The following CMTM1 variants were observed in gnomAD, a reference collection of about 807,000 sequenced individuals.
CMTM1 encodes CKLF-like MARVEL transmembrane domain-containing protein 1.
In CMTM1, 16 loss-of-function variants were observed where a neutral mutation model predicts 17.8. The observed-to-expected ratio is 0.90, with a 90% CI of 0.61 to 1.37. The LOEUF (loss-of-function observed/expected upper bound fraction) is 1.37, where lower values mean the gene tolerates loss of function less well. CMTM1 is among the 40% of genes most tolerant of loss of function. The pLI is 0.00. For synonymous variants in CMTM1, 169 were observed against 154.6 expected (o/e 1.09, Z -0.69); for missense variants, 354 against 375.6 (o/e 0.94, Z 0.47).
At chr16:66,569,521 A>G (rs1240419382) in intron 1 of CMTM1, among the ~76,000 whole-genome samples, 1 of 152,256 alleles carries the variant, frequency 6.6e-6, no homozygotes, top group African/African-American at 2.4e-5. Context: ...AATAGGGATA[A>G]TACTGGCATT....
At chr16:66,568,359 CAT>C (rs1157806575) in intron 1 of CMTM1, among the ~76,000 whole-genome samples, 11 of 152,116 alleles carry the variant, frequency 7.2e-5, no homozygotes, top group Admixed American at 1.3e-4. Flanking sequence ...TGTCACAGAA[CAT>C]GTGACAAAAT....
intron 2 of CMTM1, among the ~76,000 whole-genome samples, chr16:66,572,097 T>G (rs531126183): frequency 6.6e-6 from 1 of 152,276 alleles, no homozygotes; most frequent in South Asian, 2.1e-4. Context: ...CCCTGTCCTT[T>G]CCTGCTACTG....
chr16:66,577,060 TATATTGTTGTG>T (rs759239139), intron 2 of CMTM1, 33 bp from the exon 3 acceptor site: 2 of 1,548,746 alleles, frequency 1.3e-6, no homozygotes, highest in East Asian at 4.5e-5. Flanking sequence ...TTTGTGAAAT[TATATTGTTGTG>T]TAAACTTGAT....
rs554517633 is a variant in CMTM1 at position 66,571,760 on chromosome 16, G to T, written c.591+1666G>T. On this transcript the variant is annotated intron_variant, in intron 2 of 3. Transcript: ENST00000379500. ...ATCAGCTGTGGTCAGGAGGATCAGA[G>T]CCCTCTGAGAAATGGACTCATGCAG... Among the ~76,000 whole-genome samples, 9 of 152,306 alleles carry T rather than the reference G, an allele frequency of 5.9e-5. No homozygotes were observed. The South Asian group carries it at 1.9e-3, about 32-fold the overall frequency.
chr16:66,567,154 C>CTTTT (rs58132277), intron 1 of CMTM1: 30 of 556,516 alleles, frequency 5.4e-5, no homozygotes, highest in East Asian at 2.5e-4. Flanking sequence ...CCTATTTTTT[C>CTTTT]TTTTTTTTTT....
rs1290747205 is a variant in CMTM1, at chr16:66,578,947, C to T, written c.807C>T (p.Pro269=). The part of the protein sequence containing the change: ...LGVEVERKLS[P]AKDAYPETGP... The stretch of plus-strand genomic sequence containing the variant: ...TCGAAGTTGAAAGGAAGCTTTCCCC[C>T]GCCAAGGACGCCTACCCCGAAACCG... The change falls in exon 4 of 4, where the codon CCC becomes CCT. Residue 269 remains proline, a synonymous_variant. Coordinates refer to ENST00000379500, the MANE Select transcript of CMTM1 (RefSeq NM_052999.4). 1.9e-6 allele frequency: 3 copies of T among 1,614,156 alleles called. No homozygotes were observed. Among genetic ancestry groups the T allele is most frequent in the African/African-American group, 1.3e-5 (1 of 75,052 alleles).
intron 2 of CMTM1, among the ~76,000 whole-genome samples, chr16:66,571,582 TA>T (rs566472060): frequency 1.3e-5 from 2 of 152,346 alleles, no homozygotes; most frequent in South Asian, 4.1e-4. Context: ...TCAGTGAAAC[TA>T]TGTCTTTATG....
intron 2 of CMTM1, among the ~76,000 whole-genome samples, chr16:66,573,840 C>T (rs1390818561): frequency 6.6e-6 from 1 of 151,876 alleles, no homozygotes; most frequent in Non-Finnish European, 1.5e-5. Context: ...GCACGTACCA[C>T]CATGCCTGGC....
At chr16:66,571,247 C>T (rs112290648) in intron 2 of CMTM1, 9 of 448,170 alleles carry the variant, frequency 2.0e-5, no homozygotes, top group Admixed American at 5.0e-5. Context: ...AATCTCTGTC[C>T]GTGGAAATTT....
rs759142039 is a variant in CMTM1, at chr16:66,570,044, T to C, written c.541T>C (p.Tyr181His). The part of the protein sequence containing the change: ...ICIVVFFILI[Y>H]VLTLHHLLTY... ...CATTGTCGTTTTTTTTATTCTAATA[T>C]ATGTGCTAACCCTTCACCACTTGCT... is the stretch of plus-strand genomic sequence containing the variant. Residue 181 changes from tyrosine (Y) to histidine (H), a missense_variant, in exon 2 of 4, where the codon TAT becomes CAT. Tyr to His is a moderately conservative substitution (Grantham distance 83, BLOSUM62 2). Transcript: ENST00000379500. 1 of 1,611,398 alleles carries C rather than the reference T, an allele frequency of 6.2e-7. No homozygotes were observed. Among genetic ancestry groups the C allele is most frequent in the South Asian group, 1.1e-5 (1 of 90,854 alleles).
intron 1 of CMTM1, among the ~76,000 whole-genome samples, chr16:66,568,435 T>C (rs2012947146): frequency 6.6e-6 from 1 of 152,150 alleles, no homozygotes; most frequent in Non-Finnish European, 1.5e-5. Flanking sequence ...AAATATTCCA[T>C]TGACATTGTA....
At chr16:66,577,535 G>C (rs770472821) in intron 3 of CMTM1, among the ~76,000 whole-genome samples, 1 of 152,144 alleles carries the variant, frequency 6.6e-6, no homozygotes, top group African/African-American at 2.4e-5. Flanking sequence ...GTATTTTAAA[G>C]ACAGATGATA....
Position 66,578,860 on chromosome 16 carries a change from T to C in CMTM1, c.720T>C (p.Cys240=). 1.2e-6 allele frequency: 2 copies of C among 1,614,202 alleles called. No individual in the cohort carries two copies. The highest frequency in any genetic ancestry group is 1.7e-6 in the Non-Finnish European group (2 of 1,180,032). Residue 240 remains cysteine (C), a synonymous_variant, in exon 4 of 4, where the codon TGT becomes TGC. Transcript: ENST00000379500. ...TGTGTCTCACAGCGGTAATCGTGTG[T>C]TGCATCGATGCGTTTGTGGTCACCA... ...GSLCLTAVIV[C]CIDAFVVTTK...
rs753642081 is a variant in CMTM1 at position 66,566,877 on chromosome 16, T to C, written c.364T>C (p.Tyr122His). 2 of 1,613,930 alleles carry C rather than the reference T, an allele frequency of 1.2e-6. No individual in the cohort carries two copies. Among genetic ancestry groups the C allele is most frequent in the Non-Finnish European group, 1.7e-6 (2 of 1,179,962 alleles). The change falls in exon 1 of 4, where the codon TAC becomes CAC. Residue 122 changes from tyrosine (Y) to histidine (H), a missense_variant. Coordinates refer to ENST00000379500, the MANE Select transcript of CMTM1 (RefSeq NM_052999.4). The surrounding 1 kb of genome is among the most constrained non-coding windows in gnomAD (Gnocchi z 4.9). ...ERVEGRAKVPYKFRDSLKRFS... is the reference protein window; with the variant it reads ...ERVEGRAKVPHKFRDSLKRFS... ...CGTGGAGGGCCGAGCCAAAGTCCCGTACAAATTCAGGGACAGCCTCAAACG... is the reference window on the plus strand; with the variant it reads ...CGTGGAGGGCCGAGCCAAAGTCCCGCACAAATTCAGGGACAGCCTCAAACG...
rs2014344067 is a variant in CMTM1 at position 66,577,105 on chromosome 16, A to T, written c.593A>T (p.Asp198Val). 1 of 1,611,374 alleles carries T rather than the reference A, an allele frequency of 6.2e-7. No individual in the cohort carries two copies. Among genetic ancestry groups the T allele is most frequent in the Non-Finnish European group, 8.5e-7 (1 of 1,178,874 alleles). ...LLTYLHWPLL[D>V]LTNSIITAVF... ...ATAATTTTCAATTCTTTATTACAGG[A>T]TCTTACCAACAGTATCATTACAGCT... The change falls in exon 3 of 4, where the codon GAT (aspartate) becomes GTT (valine). Residue 198 changes from aspartate to valine, a missense_variant and splice_region_variant. Coordinates refer to ENST00000379500, the MANE Select transcript of CMTM1 (RefSeq NM_052999.4).
Position 66,578,944 on chromosome 16 carries a change from C to G in CMTM1, c.804C>G (p.Ser268=), listed in dbSNP as rs147435182. The change falls in exon 4 of 4, where the codon TCC becomes TCG. Residue 268 remains serine (S), a synonymous_variant. Transcript: ENST00000379500. The part of the protein sequence containing the change: ...FLGVEVERKL[S]PAKDAYPETG... ...GAGTCGAAGTTGAAAGGAAGCTTTCCCCCGCCAAGGACGCCTACCCCGAAA... is the reference window on the plus strand; with the variant it reads ...GAGTCGAAGTTGAAAGGAAGCTTTCGCCCGCCAAGGACGCCTACCCCGAAA... The G allele has an allele frequency of 5.8e-5, 93 of 1,614,132 alleles. No homozygotes were observed. The African/African-American group carries it at 1.2e-3, about 20-fold the overall frequency.
intron 3 of CMTM1, among the ~76,000 whole-genome samples, chr16:66,577,612 G>A (rs2014402815): frequency 6.6e-6 from 1 of 152,180 alleles, no homozygotes; most frequent in East Asian, 1.9e-4. Context: ...CAGGAAGGAA[G>A]GAAGGAAAGA....
At position 66,578,832 on chromosome 16, in the gene CMTM1, C is replaced by A. The variant is rs769251440; in HGVS notation, c.692C>A (p.Ser231Tyr). The A allele has an allele frequency of 6.2e-7, 1 of 1,614,044 alleles. No individual in the cohort carries two copies. The highest frequency in any genetic ancestry group is 8.5e-7 in the Non-Finnish European group (1 of 1,179,922). ...KRRHLLYVGG[S>Y]LCLTAVIVCC... ...CGCATATGGTCTTGTATCTGACAGT[C>A]CCTGTGTCTCACAGCGGTAATCGTG... Residue 231 changes from serine (S) to tyrosine (Y), a missense_variant and splice_region_variant, in exon 4 of 4, where the codon TCC becomes TAC. Ser to Tyr is a moderately radical substitution (Grantham distance 144). Transcript: ENST00000379500.
In CMTM1 at chr16:66,566,599, G is replaced by C; in HGVS notation, c.86G>C (p.Ser29Thr). 2 of 1,614,066 alleles carry C rather than the reference G, an allele frequency of 1.2e-6. No homozygotes were observed. The highest frequency in any genetic ancestry group is 8.5e-7 in the Non-Finnish European group (1 of 1,179,974). Residue 29 changes from serine to threonine, a missense_variant, in exon 1 of 4, where the codon AGT (serine) becomes ACT (threonine). Ser to Thr is a moderately conservative substitution (Grantham distance 58, BLOSUM62 1). Transcript: ENST00000379500. The surrounding 1 kb of genome is among the most constrained non-coding windows in gnomAD (Gnocchi z 4.9). ...KQPETAAALA[S>T]SGSVVSSVPK... ...CCGGAGACTGCCGCAGCCCTGGCAA[G>C]TAGCGGCAGCGTAGTGAGTTCTGTA...
Sources: allele counts gnomAD v4.1 joint callset (sites outside exome capture counted in the v4.1 genomes callset), GRCh38; gene constraint gnomAD v4.1.1; non-coding constraint Gnocchi (gnomAD v3.1); transcripts MANE v1.5; gene names NCBI Gene and HGNC (gene_info 2026-07-23, HGNC 2026-07-21).